TRRAP: variants seen among roughly 807,000 people sequenced by gnomAD.
TRRAP encodes transformation/transcription domain associated protein, also known as transformation/transcription domain-associated protein.
In TRRAP, 41 loss-of-function variants were observed where a neutral mutation model predicts 438.8. The ratio of observed to expected loss-of-function variants is 0.09; its 90% CI spans 0.07 to 0.12. The LOEUF is 0.12. Ranked by LOEUF, TRRAP falls within the 10% of genes least tolerant of loss-of-function variation. The pLI is 1.00. For synonymous variants in TRRAP, 1,994 were observed against 1,962.9 expected (o/e 1.02, Z -0.42); for missense variants, 3,122 against 5,055.1 (o/e 0.62, Z 11.60).
chr7:98,894,783 GTTTTTTTTT>G (rs56407045), intron 6 of TRRAP, among the ~76,000 whole-genome samples: 4 of 87,432 alleles, frequency 4.6e-5, no homozygotes, highest in East Asian at 7.5e-4. Flanking sequence ...CCAGCTAATG[GTTTTTTTTT>G]TTTTTTTTTT....
chr7:98,991,748 A>G (rs1793441773), intron 64 of TRRAP, among the ~76,000 whole-genome samples: 1 of 152,196 alleles, frequency 6.6e-6, no homozygotes, highest in South Asian at 2.1e-4. Flanking sequence ...TTAGTTCACA[A>G]TCCACAGTGA....
chr7:98,955,928 G>A (rs1554419584), intron 41 of TRRAP, among the ~76,000 whole-genome samples: 2 of 151,784 alleles, frequency 1.3e-5, no homozygotes, highest in African/African-American at 4.8e-5. Context: ...GTAATGGGAT[G>A]TAGTTGGGGT....
intron 8 of TRRAP, among the ~76,000 whole-genome samples, chr7:98,898,920 G>A (rs1796347363): frequency 6.6e-6 from 1 of 152,206 alleles, no homozygotes; most frequent in Non-Finnish European, 1.5e-5. Flanking sequence ...GGGCACGGTA[G>A]CACACACCTG....
chr7:98,920,788 A>C (rs189371192), intron 20 of TRRAP, among the ~76,000 whole-genome samples: 183 of 152,236 alleles, frequency 1.2e-3, no homozygotes, highest in African/African-American at 4.3e-3. Flanking sequence ...TTGCCATCCC[A>C]CCCAGGACTG....
chr7:98,929,786 G>T (rs936275034), intron 23 of TRRAP, among the ~76,000 whole-genome samples: 2 of 152,012 alleles, frequency 1.3e-5, no homozygotes, highest in African/African-American at 2.4e-5. Context: ...TAGAGATGGG[G>T]TTTCACCATG....
Position 98,911,231 on chromosome 7 carries a change from C to G in TRRAP, c.1967C>G (p.Pro656Arg). ...AAAGAAATCTTCCAAACTACGGTCCCTTATATGGTGGAGAGAATCTCAAAA... is the reference window on the plus strand; with the variant it reads ...AAAGAAATCTTCCAAACTACGGTCCGTTATATGGTGGAGAGAATCTCAAAA... ...TFKEIFQTTV[P>R]YMVERISKNY... is the part of the protein sequence containing the mutation. Residue 656 changes from proline to arginine, a missense_variant, in exon 17 of 73, where the codon CCT becomes CGT. This residue lies in a region of TRRAP where 149 missense variants were observed against 302.8 expected (regional missense o/e 0.49). Coordinates refer to ENST00000456197, the MANE Select transcript of TRRAP (RefSeq NM_001375524.1). The G allele has an allele frequency of 6.2e-7, 1 of 1,613,888 alleles. No individual in the cohort carries two copies. Among genetic ancestry groups the G allele is most frequent in the Non-Finnish European group, 8.5e-7 (1 of 1,179,910 alleles).
Position 98,976,617 on chromosome 7 carries a change from C to T in TRRAP, c.8094C>T (p.Cys2698=), listed in dbSNP as rs1792672195. The T allele has an allele frequency of 2.5e-6, 4 of 1,614,206 alleles. No homozygotes were observed. The highest frequency in any genetic ancestry group is 1.6e-4 in the Middle Eastern group (1 of 6,062). Residue 2698 remains cysteine, a synonymous_variant, in exon 55 of 73, where the codon TGC becomes TGT. Coordinates refer to ENST00000456197, the MANE Select transcript of TRRAP (RefSeq NM_001375524.1). This position sits in a 1 kb window ranked among gnomAD's most constrained non-coding sequence, Gnocchi z 4.6. ...QCVPPIPIRP[C]VLKYLGKTHN... ...TGCCGCCAATCCCCATCCGACCCTG[C>T]GTCCTGAAGTACCTGGGGAAGACAC...
chr7:98,916,271 G>A (rs1789515673), intron 19 of TRRAP, among the ~76,000 whole-genome samples: 1 of 152,238 alleles, frequency 6.6e-6, no homozygotes, highest in African/African-American at 2.4e-5. Context: ...GAAAAAGCAG[G>A]TGACAAAGTT....
Position 98,911,226 on chromosome 7 carries a change from G to T in TRRAP, c.1962G>T (p.Thr654=). 1 of 1,613,916 alleles carries T rather than the reference G, an allele frequency of 6.2e-7. No homozygotes were observed. Among genetic ancestry groups the T allele is most frequent in the Non-Finnish European group, 8.5e-7 (1 of 1,179,942 alleles). The change falls in exon 17 of 73, where the codon ACG becomes ACT. Residue 654 remains threonine, a synonymous_variant. Transcript: ENST00000456197. ...CGTTCAAAGAAATCTTCCAAACTACGGTCCCTTATATGGTGGAGAGAATCT... is the reference window on the plus strand; with the variant it reads ...CGTTCAAAGAAATCTTCCAAACTACTGTCCCTTATATGGTGGAGAGAATCT... The part of the protein sequence containing the change: ...PLTFKEIFQT[T]VPYMVERISK...
chr7:98,941,092 A>T (rs1327297187), intron 30 of TRRAP, among the ~76,000 whole-genome samples: 2 of 152,150 alleles, frequency 1.3e-5, no homozygotes, highest in African/African-American at 4.8e-5. Flanking sequence ...TAATGGTCCA[A>T]CTTCATTCTT....
At position 98,930,295 on chromosome 7, in the gene TRRAP, G is replaced by A. The variant is rs73395107; in HGVS notation, c.3393+89G>A. The A allele has an allele frequency of 6.1e-3, 8,987 of 1,483,680 alleles. 399 individuals carry two copies. The African/African-American group carries it at 0.1, about 17-fold the overall frequency. 91.9% of individuals were successfully genotyped at this position (1,483,680 alleles called of 1,614,324 possible). ...TAGAAACTGATAGTTTAAGAATTGC[G>A]GCCAGACGCAGTGGCTCACGCCTGT... On this transcript the variant is annotated intron_variant, in intron 24 of 72. Transcript: ENST00000456197.
chr7:98,993,278 TA>T (rs1173875778), intron 65 of TRRAP, among the ~76,000 whole-genome samples: 3 of 152,256 alleles, frequency 2.0e-5, no homozygotes, highest in Non-Finnish European at 4.4e-5. Context: ...TGCATCCTCC[TA>T]AAACACATAC....
chr7:98,929,977 C>G lies in TRRAP; in HGVS notation c.3176-12C>G. 2 of 1,613,560 alleles carry G rather than the reference C, an allele frequency of 1.2e-6. No homozygotes were observed. On this transcript the variant is annotated splice_polypyrimidine_tract_variant and intron_variant, in intron 23 of 72. Coordinates refer to ENST00000456197, the MANE Select transcript of TRRAP (RefSeq NM_001375524.1). ...AGACTGTTCTCACGTGCCTTCCCAT[C>G]TCTCCTTTTAGGCCCTTTCTTGCTG...
Position 98,995,315 on chromosome 7 carries a change from G to A in TRRAP, c.10309+467G>A, listed in dbSNP as rs891914692. On this transcript the variant is annotated intron_variant, in intron 67 of 72. Transcript: ENST00000456197. ...GGTGTTAGTGAGCCAGTAGGAGACA[G>A]CGTCTGGCGGGCCAGTGGGAGACAG... Among the ~76,000 whole-genome samples the A allele has an allele frequency of 4.0e-5, 6 of 151,494 alleles. 1 individual carries two copies. The East Asian group carries it at 9.7e-4, about 25-fold the overall frequency.
Position 99,011,336 on chromosome 7 carries a change from T to C in TRRAP, c.11143-5T>C, listed in dbSNP as rs1247606618. On this transcript the variant is annotated splice_region_variant and splice_polypyrimidine_tract_variant and intron_variant, in intron 71 of 72. Transcript: ENST00000456197. The surrounding 1 kb of genome is among the most constrained non-coding windows in gnomAD (Gnocchi z 7.1). Reference sequence around the variant, plus strand: ...GTTCCTAAAGTGTCTCCTTCTGAAATTTAGGACACTGGCAAACTGAATGTT... The same window carrying C: ...GTTCCTAAAGTGTCTCCTTCTGAAACTTAGGACACTGGCAAACTGAATGTT... 3 of 1,613,662 alleles carry C rather than the reference T, an allele frequency of 1.9e-6. No individual in the cohort carries two copies. The highest frequency in any genetic ancestry group is 2.5e-6 in the Non-Finnish European group (3 of 1,179,592).
At chr7:98,945,683 A>G in intron 31 of TRRAP, 64 bp from the exon 32 acceptor site, 1 of 1,575,220 alleles carries the variant, frequency 6.3e-7, no homozygotes, top group East Asian at 2.2e-5. Flanking sequence ...GTGTTTGAGT[A>G]TGTGGGAAGT....
Position 98,933,386 on chromosome 7 carries a change from A to G in TRRAP, c.3998A>G (p.Lys1333Arg), listed in dbSNP as rs1790413739. The G allele has an allele frequency of 6.2e-7, 1 of 1,613,788 alleles. No homozygotes were observed. The highest frequency in any genetic ancestry group is 8.5e-7 in the Non-Finnish European group (1 of 1,179,914). ...FTMDLNVVEHKVFYTELLNLC... is the reference protein window; with the variant it reads ...FTMDLNVVEHRVFYTELLNLC... ...ATGGACCTTAACGTGGTGGAGCATA[A>G]GGTGTTCTACACAGAGGTAGGGGGG... Residue 1333 changes from lysine to arginine, a missense_variant, in exon 27 of 73, where the codon AAG (lysine) becomes AGG (arginine). Physicochemically the swap from Lys to Arg is conservative, Grantham distance 26. This residue lies in a region of TRRAP where 84 missense variants were observed against 119.8 expected (regional missense o/e 0.70). Transcript: ENST00000456197.
chr7:98,976,842 C>T lies in TRRAP; in HGVS notation c.8247+72C>T, dbSNP rs2116732033. ...CTTCACACTTTAAATAAATACTCCT[C>T]CCAAATGATTTCAAATGACAGCACA... On this transcript the variant is annotated intron_variant, in intron 55 of 72. Coordinates refer to ENST00000456197, the MANE Select transcript of TRRAP (RefSeq NM_001375524.1). The surrounding 1 kb of genome is among the most constrained non-coding windows in gnomAD (Gnocchi z 4.6). The T allele has an allele frequency of 3.8e-6, 6 of 1,599,996 alleles. No homozygotes were observed. Among genetic ancestry groups the T allele is most frequent in the East Asian group, 2.2e-5 (1 of 44,660 alleles).
At chr7:98,917,992 G>A (rs79754536) in intron 20 of TRRAP, among the ~76,000 whole-genome samples, 1 of 151,770 alleles carries the variant, frequency 6.6e-6, no homozygotes, top group Admixed American at 6.6e-5. Context: ...CATGGTGGCC[G>A]ACACCTGTAA....
Sources: allele counts gnomAD v4.1 joint callset (sites outside exome capture counted in the v4.1 genomes callset), GRCh38; gene constraint gnomAD v4.1.1; regional missense constraint gnomAD v4.1.1; non-coding constraint Gnocchi (gnomAD v3.1); transcripts MANE v1.5; gene names NCBI Gene and HGNC (gene_info 2026-07-23, HGNC 2026-07-21).